The following TENM2 variants were observed in gnomAD, a reference collection of about 807,000 sequenced individuals.
The protein encoded by TENM2 is teneurin-2.
TENM2 carries 52 observed loss-of-function variants against 245.2 expected under a neutral mutation model. The ratio of observed to expected loss-of-function variants is 0.21; its 90% CI spans 0.17 to 0.27. TENM2 has a LOEUF of 0.27. TENM2 is among the 10% of genes least tolerant of loss of function. The pLI, the probability that TENM2 is intolerant of heterozygous loss-of-function variation, is 1.00. For missense variants in TENM2, 3,046 were observed against 3,666.8 expected (o/e 0.83, Z 4.37); for synonymous variants, 1,363 against 1,438.9 (o/e 0.95, Z 1.19).
chr5:167,526,599 A>T (rs922923779), intron 2 of TENM2, among the ~76,000 whole-genome samples: 1 of 151,988 alleles, frequency 6.6e-6, no homozygotes, highest in Non-Finnish European at 1.5e-5. Flanking sequence ...CTTTAGAATC[A>T]ATATATATTT....
intron 2 of TENM2, among the ~76,000 whole-genome samples, chr5:167,477,757 CA>C (rs568651643): frequency 6.6e-6 from 1 of 150,406 alleles, no homozygotes; most frequent in Non-Finnish European, 1.5e-5. Flanking sequence ...CTTTGCCCAC[CA>C]AAAAAATAGA....
At chr5:167,306,329 T>A (rs368837530) in intron 1 of TENM2, 2 of 152,238 alleles carry the variant, frequency 1.3e-5, no homozygotes, top group Non-Finnish European at 2.9e-5. Context: ...TCAAACCAGA[T>A]GGTCTTCTCT....
chr5:167,210,754 C>T, the TENM2 span, among the ~76,000 whole-genome samples: 67 of 152,290 alleles, frequency 4.4e-4, no homozygotes, highest in Middle Eastern at 3.4e-3. Flanking sequence ...TGAGCCACCG[C>T]GCCCGGCCTT....
chr5:167,450,384 A>T (rs774997864), intron 2 of TENM2, among the ~76,000 whole-genome samples: 4 of 152,090 alleles, frequency 2.6e-5, no homozygotes, highest in Non-Finnish European at 5.9e-5. Context: ...TCCAGAACAT[A>T]TTTGTTTGTC....
At chr5:167,640,901 ATAT>A (rs1779563277) in intron 2 of TENM2, among the ~76,000 whole-genome samples, 2 of 93,362 alleles carry the variant, frequency 2.1e-5, no homozygotes, top group African/African-American at 4.2e-5. Flanking sequence ...ATATATATAT[ATAT>A]ATCTTTCTCT....
At chr5:167,350,064 G>C (rs527617510) in intron 1 of TENM2, among the ~76,000 whole-genome samples, 27 of 152,196 alleles carry the variant, frequency 1.8e-4, no homozygotes, top group Admixed American at 1.7e-3. Context: ...GATTTTAATA[G>C]TCAGTTGTCA....
intron 10 of TENM2, among the ~76,000 whole-genome samples, chr5:168,124,534 A>G (rs138658506): frequency 6.6e-5 from 10 of 152,338 alleles, no homozygotes; most frequent in South Asian, 2.1e-4. Context: ...CCTAATCTTT[A>G]TAAGCACAAG....
At chr5:168,215,444 C>G (rs1313790725) in intron 21 of TENM2, among the ~76,000 whole-genome samples, 172 bp downstream of exon 23, 1 of 152,032 alleles carries the variant, frequency 6.6e-6, no homozygotes, top group Admixed American at 6.6e-5. Context: ...AAAAGAAAAC[C>G]AGTCATGAGG....
intron 5 of TENM2, among the ~76,000 whole-genome samples, chr5:168,017,674 C>A (rs1659662766): frequency 6.6e-6 from 1 of 152,208 alleles, no homozygotes; most frequent in African/African-American, 2.4e-5. Flanking sequence ...TTTTCTTGCA[C>A]TTAGCCTAGG....
intron 2 of TENM2, among the ~76,000 whole-genome samples, chr5:167,629,186 A>G (rs1778706487): frequency 6.6e-6 from 1 of 152,192 alleles, no homozygotes; most frequent in Non-Finnish European, 1.5e-5. Flanking sequence ...TTTAGTGTTA[A>G]CATTTTGACT....
intron 5 of TENM2, among the ~76,000 whole-genome samples, chr5:168,022,088 T>C (rs1176241063): frequency 2.0e-5 from 3 of 152,258 alleles, no homozygotes; most frequent in African/African-American, 4.8e-5. Flanking sequence ...AAATCAATAT[T>C]GTACTCCTGG....
At chr5:167,377,886 A>G (rs1366741107) in intron 2 of TENM2, among the ~76,000 whole-genome samples, 1 of 152,180 alleles carries the variant, frequency 6.6e-6, no homozygotes, top group East Asian at 1.9e-4. Flanking sequence ...TTCCTCCATA[A>G]TAAACACTGT....
intron 2 of TENM2, among the ~76,000 whole-genome samples, chr5:167,811,863 A>G (rs969263333): frequency 3.9e-5 from 6 of 152,154 alleles, no homozygotes; most frequent in Non-Finnish European, 1.5e-5. Flanking sequence ...GATAATCACA[A>G]CTGTAAAAAT....
At chr5:167,571,082 G>A (rs992213942) in intron 2 of TENM2, among the ~76,000 whole-genome samples, 2 of 152,208 alleles carry the variant, frequency 1.3e-5, no homozygotes, top group African/African-American at 4.8e-5. Flanking sequence ...TTGAGGTGAT[G>A]AAATATTGTC....
intron 2 of TENM2, among the ~76,000 whole-genome samples, chr5:167,462,657 T>A (rs1766390667): frequency 6.6e-6 from 1 of 151,976 alleles, no homozygotes. Flanking sequence ...CTCTCAAAGT[T>A]CAGACATTCC....
At chr5:167,445,927 G>A (rs925526864) in intron 2 of TENM2, among the ~76,000 whole-genome samples, 5 of 152,146 alleles carry the variant, frequency 3.3e-5, no homozygotes, top group African/African-American at 2.4e-5. Flanking sequence ...GCTTATGTAC[G>A]TGCTAATTGC....
the TENM2 span, among the ~76,000 whole-genome samples, chr5:167,189,950 G>T: frequency 2.0e-5 from 3 of 151,934 alleles, no homozygotes; most frequent in African/African-American, 4.8e-5. Context: ...TCCTATGAAA[G>T]TCTAAAATTT....
At chr5:167,068,517 A>G in the TENM2 span, among the ~76,000 whole-genome samples, 1 of 152,216 alleles carries the variant, frequency 6.6e-6, no homozygotes, top group Middle Eastern at 3.2e-3. Flanking sequence ...TGTATAACCA[A>G]AGTAAAAATG....
At chr5:167,694,528 A>G (rs534600822) in intron 2 of TENM2, among the ~76,000 whole-genome samples, 161 of 152,318 alleles carry the variant, frequency 1.1e-3, no homozygotes, top group Non-Finnish European at 1.6e-3. Context: ...ATAGTAATTA[A>G]AACAGTCATG....
Sources: gnomAD v4.1 joint callset for allele counts (sites outside exome capture counted in the v4.1 genomes callset) on GRCh38, gnomAD v4.1.1 for gene constraint, MANE v1.5 for transcripts, NCBI Gene and HGNC (gene_info 2026-07-23, HGNC 2026-07-21) for gene names.